The following SF1 variants were observed in gnomAD, a reference collection of about 807,000 sequenced individuals.
SF1 encodes the protein branch point-binding protein.
A neutral mutation model predicts 62.5 loss-of-function variants in SF1; 7 were observed. The ratio of observed to expected loss-of-function variants is 0.11; its 90% CI spans 0.06 to 0.21. The LOEUF (loss-of-function observed/expected upper bound fraction) is 0.21, where lower values mean the gene tolerates loss of function less well. Among genes scored for constraint, SF1 ranks in the 10% least tolerant of loss-of-function variants. The probability of loss-of-function intolerance (pLI) is 1.00; values close to 1 mark genes in which losing one functional copy is unlikely to be tolerated. For synonymous variants in SF1, 394 were observed against 323.6 expected, an observed-to-expected ratio of 1.22 and a Z score of -2.33; for missense variants, 578 against 884.0, an observed-to-expected ratio of 0.65 and a Z score of 4.39.
intron 8 of SF1, among the ~76,000 whole-genome samples, chr11:64,768,599 G>GA (rs1046018446): frequency 6.6e-6 from 1 of 152,230 alleles, no homozygotes; most frequent in African/African-American, 2.4e-5. Flanking sequence ...TTGAGGAAAG[G>GA]AAAATCTATG....
intron 8 of SF1, among the ~76,000 whole-genome samples, chr11:64,768,729 G>A (rs1656581089): frequency 6.6e-6 from 1 of 152,240 alleles, no homozygotes; most frequent in Non-Finnish European, 1.5e-5. Flanking sequence ...TGTAGAGATT[G>A]CTTAGTCTTC....
Position 64,773,446 on chromosome 11 carries a change from G to A in SF1, c.220C>T (p.Pro74Ser). 1.9e-6 allele frequency: 3 copies of A among 1,613,748 alleles called. No individual in the cohort carries two copies. The highest frequency in any genetic ancestry group is 2.5e-6 in the Non-Finnish European group (3 of 1,179,892). The change falls in exon 3 of 13, where the codon CCT becomes TCT. Residue 74 changes from proline to serine, a missense_variant. Physicochemically the swap from Pro to Ser is moderately conservative, Grantham distance 74. This residue lies in a region of SF1 where 68 missense variants were observed against 170.7 expected (regional missense o/e 0.40). Transcript: ENST00000377390. ...KLRTGDLGIP[P>S]NPEDRSPSPE... is the part of the protein sequence containing the mutation. The stretch of plus-strand genomic sequence containing the variant: ...TTTCCCAACCTGTCCTCAGGGTTAG[G>A]GGGGATGCCCAGGTCTCCTGTGCGC...
At chr11:64,773,308 T>C (rs187940920) in intron 3 of SF1, 122 bp downstream of exon 3, 477 of 1,475,470 alleles carry the variant, frequency 3.2e-4, no homozygotes, top group Non-Finnish European at 3.7e-4. Context: ...ATCCCCAAAG[T>C]GGTCAGGGTA....
chr11:64,771,494 T>C, intron 3 of SF1: 1 of 985,376 alleles, frequency 1.0e-6, no homozygotes, highest in South Asian at 4.7e-5. Context: ...CCTTGCCTAG[T>C]TGGAGAGCAA....
intron 12 of SF1, 99 bp from the exon 13 acceptor site, chr11:64,766,254 GCTT>G: frequency 1.6e-6 from 1 of 631,482 alleles, no homozygotes; most frequent in South Asian, 1.8e-5. Flanking sequence ...CCTGCTCCTT[GCTT>G]GGCATGCGGT....
At chr11:64,771,827 CTTAA>C (rs1938373058) in intron 3 of SF1, 3 of 985,338 alleles carry the variant, frequency 3.0e-6, no homozygotes, top group African/African-American at 1.7e-5. Context: ...AAGAAATTAT[CTTAA>C]TTAAGAAAAC....
At chr11:64,771,357 T>C (rs898613134) in intron 3 of SF1, 19 of 685,752 alleles carry the variant, frequency 2.8e-5, no homozygotes, top group African/African-American at 5.9e-5. Context: ...AAAAGGACCA[T>C]AGCTTGATAT....
chr11:64,778,041 G>A, intron 1 of SF1: 10 of 1,010,174 alleles, frequency 9.9e-6, no homozygotes, highest in Admixed American at 5.9e-5. Flanking sequence ...GGCTGGGGTG[G>A]CGGCGGCTGC....
intron 9 of SF1, 127 bp from the exon 10 acceptor site, chr11:64,767,971 G>T: frequency 6.9e-7 from 1 of 1,451,446 alleles, no homozygotes; most frequent in Non-Finnish European, 9.3e-7. Context: ...TCCCCAAACT[G>T]GCCTGAGATC....
At chr11:64,769,751 T>G in intron 5 of SF1, 142 bp from the exon 6 acceptor site, 1 of 832,900 alleles carries the variant, frequency 1.2e-6, no homozygotes, top group South Asian at 1.7e-5. Flanking sequence ...GAACTCTATA[T>G]TATGGTCAGC....
In SF1 at chr11:64,770,332, G is replaced by C. The variant is rs1305011087; in HGVS notation, c.313C>G (p.Leu105Val). 3 of 1,614,120 alleles carry C rather than the reference G, an allele frequency of 1.9e-6. No individual in the cohort carries two copies. Among genetic ancestry groups the C allele is most frequent in the Non-Finnish European group, 8.5e-7 (1 of 1,180,022 alleles). Residue 105 changes from leucine to valine, a missense_variant, in exon 4 of 13, where the codon CTG becomes GTG. Physicochemically the swap from Leu to Val is conservative, Grantham distance 32. Around this residue, in one of 7 missense-constraint regions of SF1, gnomAD observed 68 missense variants for 170.7 expected, o/e 0.40. Transcript: ENST00000377390. ...ATGAGGTTGTGCCGCTCCTCTTCCA[G>C]CTTTTTGCGGGTGCGGAACTCTCGG... Reference protein sequence around the residue: ...NTREFRTRKKLEEERHNLITE... With the variant: ...NTREFRTRKKVEEERHNLITE...
intron 2 of SF1, 112 bp from the exon 3 acceptor site, chr11:64,773,617 GA>G: frequency 8.0e-7 from 1 of 1,251,410 alleles, no homozygotes; most frequent in South Asian, 1.5e-5. Flanking sequence ...CTTTGAAAGG[GA>G]CGACTGATCA....
rs188562296 is a variant in SF1 at position 64,774,258 on chromosome 11, C to T, written c.161-753G>A. 1.1e-3 allele frequency among the ~76,000 whole-genome samples: 169 copies of T among 152,256 alleles called. No homozygotes were observed. In the Middle Eastern group the frequency reaches 0.02, roughly 18 times the overall value. On this transcript the variant is annotated intron_variant, in intron 2 of 12. Transcript: ENST00000377390. ...GCTCACTGTTCATATGGGGAGCAGGCGTGTAGAAGAATGGAATGTGTGTTC... is the reference window on the plus strand; with the variant it reads ...GCTCACTGTTCATATGGGGAGCAGGTGTGTAGAAGAATGGAATGTGTGTTC...
chr11:64,778,184 G>T, intron 1 of SF1, 178 bp downstream of exon 1: 1 of 996,244 alleles, frequency 1.0e-6, no homozygotes, highest in Non-Finnish European at 1.3e-6. Flanking sequence ...CGGAGGCGGC[G>T]GAGGCAGCGC....
At chr11:64,773,529 G>C (rs1565576643) in intron 2 of SF1, 24 bp from the exon 3 acceptor site, 1 of 1,583,026 alleles carries the variant, frequency 6.3e-7, no homozygotes, top group Admixed American at 2.0e-5. Context: ...GGTTAGGAAA[G>C]AAAAAAAAGG....
intron 10 of SF1, 145 bp from the exon 11 acceptor site, chr11:64,767,396 A>C: frequency 9.6e-7 from 1 of 1,041,986 alleles, no homozygotes; most frequent in Non-Finnish European, 1.5e-6. Flanking sequence ...CCAACACAGA[A>C]TCACTCCCTG....
At position 64,765,957 on chromosome 11, in the gene SF1, C is replaced by G; in HGVS notation, c.1781G>C (p.Gly594Ala). 2 of 1,587,042 alleles carry G rather than the reference C, an allele frequency of 1.3e-6. No individual in the cohort carries two copies. Among genetic ancestry groups the G allele is most frequent in the Middle Eastern group, 3.8e-4 (2 of 5,246 alleles). ...AGGAGGGGGCGGGGCATACATCATG[C>G]CGGCGGAACCAGGCGGTGGAGGCGG... ...PPPPPPPGSA[G>A]MMYAPPPPPP... is the part of the protein sequence containing the mutation. The change falls in exon 13 of 13, where the codon GGC becomes GCC. Residue 594 changes from glycine (G) to alanine (A), a missense_variant. Around this residue, in one of 7 missense-constraint regions of SF1, gnomAD observed 410 missense variants for 452.4 expected, o/e 0.91. Coordinates refer to ENST00000377390, the MANE Select transcript of SF1 (RefSeq NM_004630.4).
intron 1 of SF1, chr11:64,777,932 C>G (rs1592542566): frequency 1.0e-6 from 1 of 978,594 alleles, no homozygotes; most frequent in Non-Finnish European, 1.2e-6. Context: ...GCGCGCCCCT[C>G]AGGCGGCCGG....
rs1482820955 is a variant in SF1, at chr11:64,767,862, C to T, written c.1069-18G>A. Reference sequence around the variant, plus strand: ...ATGAGAGACTACGTGAGAGCATTTCCTGCCAACGTCCCTGCCTGCGCCTCC... The same window carrying T: ...ATGAGAGACTACGTGAGAGCATTTCTTGCCAACGTCCCTGCCTGCGCCTCC... On this transcript the variant is annotated intron_variant, in intron 9 of 12. Transcript: ENST00000377390. 2 of 1,604,084 alleles carry T rather than the reference C, an allele frequency of 1.2e-6. No individual in the cohort carries two copies. The highest frequency in any genetic ancestry group is 2.7e-5 in the African/African-American group (2 of 74,408).
Sources: allele counts gnomAD v4.1 joint callset (sites outside exome capture counted in the v4.1 genomes callset), GRCh38; gene constraint gnomAD v4.1.1; regional missense constraint gnomAD v4.1.1; transcripts MANE v1.5; gene names NCBI Gene and HGNC (gene_info 2026-07-23, HGNC 2026-07-21).